Variants in DCC observed in about 807,000 individuals in gnomAD.
DCC encodes netrin receptor DCC.
Under a neutral mutation model 172.5 loss-of-function variants are expected in DCC, and 58 were observed. The ratio of observed to expected loss-of-function variants is 0.34; its 90% CI spans 0.27 to 0.42. DCC has a LOEUF of 0.42. Among genes scored for constraint, DCC ranks in the 10% least tolerant of loss-of-function variants. The pLI, the probability that DCC is intolerant of heterozygous loss-of-function variation, is 1.00. For synonymous variants in DCC, 709 were observed against 644.5 expected, an observed-to-expected ratio of 1.10 and a Z score of -1.52; for missense variants, 1,740 against 1,791.0, an observed-to-expected ratio of 0.97 and a Z score of 0.51.
At chr18:52,857,466 T>C (rs992163621) in intron 2 of DCC, among the ~76,000 whole-genome samples, 1 of 152,136 alleles carries the variant, frequency 6.6e-6, no homozygotes, top group African/African-American at 2.4e-5. Context: ...TTTCTAACCA[T>C]TAAGATTCAA....
At chr18:53,460,286 T>TC (rs1555674677) in intron 24 of DCC, among the ~76,000 whole-genome samples, 1 of 118,328 alleles carries the variant, frequency 8.5e-6, no homozygotes, top group Admixed American at 8.9e-5. Context: ...TTTTTTTTTT[T>TC]TTTTTTTTTT....
chr18:52,782,387 G>A (rs566620583), intron 2 of DCC, among the ~76,000 whole-genome samples: 25 of 151,714 alleles, frequency 1.6e-4, no homozygotes, highest in Non-Finnish European at 3.4e-4. Context: ...ATAATAATAA[G>A]TATTTACAAG....
At chr18:52,837,716 A>C (rs1196695053) in intron 2 of DCC, among the ~76,000 whole-genome samples, 1 of 152,132 alleles carries the variant, frequency 6.6e-6, no homozygotes, top group East Asian at 1.9e-4. Flanking sequence ...CCCAGTTCTA[A>C]CGTTACTTCC....
intron 1 of DCC, 76 bp from the exon 2 acceptor site, chr18:52,751,977 TA>T: frequency 7.9e-7 from 1 of 1,268,356 alleles, no homozygotes; most frequent in Non-Finnish European, 1.1e-6. Flanking sequence ...AAAAGCTTTG[TA>T]AAGAAAAGAC....
intron 2 of DCC, among the ~76,000 whole-genome samples, chr18:52,896,015 C>T (rs2039723175): frequency 6.6e-6 from 1 of 152,120 alleles, no homozygotes; most frequent in Non-Finnish European, 1.5e-5. Context: ...AAACTCTTGA[C>T]CTCAGGTGAT....
At chr18:52,515,442 C>T (rs573360666) in intron 1 of DCC, among the ~76,000 whole-genome samples, 1 of 150,788 alleles carries the variant, frequency 6.6e-6, no homozygotes, top group East Asian at 2.0e-4. Context: ...CCTGTCTCTA[C>T]TAAAAATACA....
At chr18:53,486,522 G>T (rs753553197) in intron 25 of DCC, among the ~76,000 whole-genome samples, 1 of 152,164 alleles carries the variant, frequency 6.6e-6, no homozygotes, top group Non-Finnish European at 1.5e-5. Flanking sequence ...AAATGTTAAG[G>T]TGGATTTATG....
intron 1 of DCC, among the ~76,000 whole-genome samples, chr18:52,464,448 CTG>C (rs930627299): frequency 1.3e-5 from 2 of 152,104 alleles, no homozygotes; most frequent in Non-Finnish European, 1.5e-5. Context: ...GTATAAAGAG[CTG>C]TGTTTTAGAA....
rs2046516335 is a variant in DCC at position 53,530,697 on chromosome 18, C to T, written c.*44C>T. 1.9e-6 allele frequency: 2 copies of T among 1,051,072 alleles called. No individual in the cohort carries two copies. Among genetic ancestry groups the T allele is most frequent in the East Asian group, 4.7e-5 (2 of 42,394 alleles). The allele number at this position is 1,051,072 out of a possible 1,614,324, so 65.1% of individuals were successfully genotyped here. A position where few individuals can be genotyped will look rare whatever the true frequency, so the allele number is the denominator to read the frequency against. The stretch of plus-strand genomic sequence containing the variant: ...TGAGGTGAATTTTCCGGGAACTTTG[C>T]AGCATACCAATTACCCATAAACAGC... On this transcript the variant is annotated 3_prime_UTR_variant, in exon 29 of 29. Transcript: ENST00000442544.
intron 1 of DCC, among the ~76,000 whole-genome samples, chr18:52,542,500 G>C (rs973135718): frequency 1.3e-5 from 2 of 152,114 alleles, no homozygotes; most frequent in African/African-American, 4.8e-5. Context: ...TGAATTGAAG[G>C]GGTCAGGGGT....
At chr18:52,917,129 AAAG>A (rs1568185458) in intron 3 of DCC, among the ~76,000 whole-genome samples, 11 of 146,438 alleles carry the variant, frequency 7.5e-5, no homozygotes, top group Non-Finnish European at 1.3e-4. Flanking sequence ...AAAAAAAAAA[AAAG>A]AAAACAAAAA....
In DCC at chr18:53,179,058, C is replaced by T; in HGVS notation, c.1515C>T (p.Tyr505=). The T allele has an allele frequency of 1.9e-6, 3 of 1,613,982 alleles. No individual in the cohort carries two copies. Among genetic ancestry groups the T allele is most frequent in the Non-Finnish European group, 8.5e-7 (1 of 1,179,922 alleles). The change falls in exon 9 of 29, where the codon TAC becomes TAT. Residue 505 remains tyrosine (Y), a synonymous_variant. Transcript: ENST00000442544. The part of the protein sequence containing the change: ...EAMYTFRVVA[Y]NEWGPGESSQ... ...TGTACACCTTTCGAGTTGTGGCTTA[C>T]AATGAATGGGGACCGGGAGAGAGTT...
intron 25 of DCC, among the ~76,000 whole-genome samples, chr18:53,486,040 T>A (rs2045895909): frequency 2.0e-5 from 3 of 152,060 alleles, no homozygotes; most frequent in Admixed American, 2.0e-4. Flanking sequence ...AAACATTTTA[T>A]AAGAAAATAT....
In DCC at chr18:52,580,490, C is replaced by T. The variant is rs77203217; in HGVS notation, c.92-171564C>T. ...AAGAGATATGGAGCAAGAGAAACCT[C>T]GCCACAGGGACCCAGTTTTACTCCC... is the stretch of plus-strand genomic sequence containing the variant. On this transcript the variant is annotated intron_variant, in intron 1 of 28. Transcript: ENST00000442544. 3.1e-3 allele frequency among the ~76,000 whole-genome samples: 477 copies of T among 152,278 alleles called. 3 individuals are homozygous for T. Among genetic ancestry groups the T allele is most frequent in the African/African-American group, 0.011 (454 of 41,566 alleles).
At chr18:53,350,063 T>C (rs1361274562) in intron 15 of DCC, among the ~76,000 whole-genome samples, 2 of 152,108 alleles carry the variant, frequency 1.3e-5, no homozygotes, top group African/African-American at 4.8e-5. Context: ...CATTTACAAT[T>C]CATGAGAATC....
chr18:53,284,423 T>C (rs2056911276), intron 12 of DCC, among the ~76,000 whole-genome samples: 1 of 152,120 alleles, frequency 6.6e-6, no homozygotes, highest in African/African-American at 2.4e-5. Flanking sequence ...GTACGTCTCA[T>C]GAGATCTTAT....
At chr18:53,228,456 T>G (rs2056070350) in intron 12 of DCC, among the ~76,000 whole-genome samples, 1 of 152,084 alleles carries the variant, frequency 6.6e-6, no homozygotes. Flanking sequence ...TTCAGCTCCG[T>G]AAGAGTCTTC....
intron 1 of DCC, among the ~76,000 whole-genome samples, chr18:52,597,539 T>C (rs1219941348): frequency 3.3e-5 from 5 of 152,342 alleles, no homozygotes; most frequent in African/African-American, 1.2e-4. Context: ...ACCTTCCTTT[T>C]AGCTGCCAAA....
intron 12 of DCC, among the ~76,000 whole-genome samples, chr18:53,290,277 A>G (rs565332306): frequency 1.4e-4 from 22 of 152,314 alleles, no homozygotes; most frequent in Non-Finnish European, 3.1e-4. Flanking sequence ...GAAAGCCACA[A>G]AACACTTGTG....
Sources: gnomAD v4.1 joint callset for allele counts (sites outside exome capture counted in the v4.1 genomes callset) on GRCh38, gnomAD v4.1.1 for gene constraint, MANE v1.5 for transcripts, NCBI Gene and HGNC (gene_info 2026-07-23, HGNC 2026-07-21) for gene names.